Variants in RNLS observed in about 807,000 individuals in gnomAD.
RNLS encodes renalase, FAD dependent amine oxidase.
In RNLS, 39 loss-of-function variants were observed where a neutral mutation model predicts 39.8. The observed-to-expected ratio is 0.98, with a 90% CI of 0.76 to 1.28. The LOEUF is 1.28. Ranked by LOEUF, RNLS falls within the 50% of genes most tolerant of loss-of-function variation. The probability of loss-of-function intolerance (pLI) is 0.00; values close to 1 mark genes in which losing one functional copy is unlikely to be tolerated. For missense variants in RNLS, 410 were observed against 413.3 expected, an observed-to-expected ratio of 0.99 and a Z score of 0.07; for synonymous variants, 147 against 150.7, an observed-to-expected ratio of 0.98 and a Z score of 0.18.
At chr10:88,221,802 A>G in the RNLS span, among the ~76,000 whole-genome samples, 9 of 152,096 alleles carry the variant, frequency 5.9e-5, no homozygotes, top group Non-Finnish European at 1.5e-5. Flanking sequence ...AGACATCACT[A>G]ATCAATTGTG....
At chr10:88,435,824 A>G (rs1012344503) in intron 4 of RNLS, among the ~76,000 whole-genome samples, 2 of 152,178 alleles carry the variant, frequency 1.3e-5, no homozygotes, top group African/African-American at 4.8e-5. Context: ...TTATAATAAA[A>G]GCAATTTTAT....
At chr10:88,232,287 T>A in the RNLS span, among the ~76,000 whole-genome samples, 3,397 of 152,242 alleles carry the variant, frequency 0.022, 121 homozygotes, top group African/African-American at 0.076. Flanking sequence ...AAAGAAGGTC[T>A]GAGGGAAGGG....
At chr10:88,463,176 A>C (rs1487381196) in intron 4 of RNLS, among the ~76,000 whole-genome samples, 1 of 152,038 alleles carries the variant, frequency 6.6e-6, no homozygotes, top group Non-Finnish European at 1.5e-5. Context: ...ATTTGGAAAT[A>C]GGATCATTGC....
intron 4 of RNLS, among the ~76,000 whole-genome samples, chr10:88,569,521 T>C (rs1049362941): frequency 1.3e-5 from 2 of 152,128 alleles, no homozygotes; most frequent in African/African-American, 4.8e-5. Flanking sequence ...ACCTGGTAAA[T>C]AGAAATTCAT....
chr10:88,515,047 T>A (rs1470173098), intron 4 of RNLS, among the ~76,000 whole-genome samples: 1 of 149,756 alleles, frequency 6.7e-6, no homozygotes. Context: ...CGTGCTTTTT[T>A]AAATAATGGC....
intron 5 of RNLS, among the ~76,000 whole-genome samples, chr10:88,334,287 CAGTT>C (rs879384188): frequency 6.6e-6 from 1 of 152,102 alleles, no homozygotes; most frequent in Non-Finnish European, 1.5e-5. Context: ...TTTTAGTTTT[CAGTT>C]AGTTATGTAT....
At chr10:88,441,054 T>C (rs1279511502) in intron 4 of RNLS, among the ~76,000 whole-genome samples, 2 of 152,260 alleles carry the variant, frequency 1.3e-5, no homozygotes, top group African/African-American at 4.8e-5. Context: ...CAGTTTCCTT[T>C]TTTAAAAACT....
At chr10:88,527,682 A>T (rs1368662421) in intron 4 of RNLS, among the ~76,000 whole-genome samples, 1 of 152,150 alleles carries the variant, frequency 6.6e-6, no homozygotes, top group Non-Finnish European at 1.5e-5. Context: ...CCCCCCACAT[A>T]TACACAAATA....
intron 4 of RNLS, among the ~76,000 whole-genome samples, chr10:88,558,397 T>C (rs1182775034): frequency 1.3e-5 from 2 of 152,196 alleles, no homozygotes; most frequent in Non-Finnish European, 2.9e-5. Flanking sequence ...ACATAAGTAT[T>C]CACAAAATTG....
intron 5 of RNLS, among the ~76,000 whole-genome samples, chr10:88,315,633 T>C (rs113732658): frequency 1.2e-3 from 188 of 152,186 alleles, no homozygotes; most frequent in African/African-American, 4.0e-3. Flanking sequence ...TAAATGGTAA[T>C]ACAATGATCT....
At chr10:88,439,901 C>T (rs566020563) in intron 4 of RNLS, among the ~76,000 whole-genome samples, 1 of 152,300 alleles carries the variant, frequency 6.6e-6, no homozygotes, top group African/African-American at 2.4e-5. Flanking sequence ...GATGTCATTT[C>T]CTGTCTGAAA....
the RNLS span, among the ~76,000 whole-genome samples, chr10:88,249,030 G>T: frequency 6.6e-6 from 1 of 152,154 alleles, no homozygotes; most frequent in Non-Finnish European, 1.5e-5. Context: ...TCCATTTCCT[G>T]CCTTCCCTTC....
intron 4 of RNLS, among the ~76,000 whole-genome samples, chr10:88,438,463 A>T (rs1027734331): frequency 3.9e-5 from 6 of 152,140 alleles, no homozygotes; most frequent in African/African-American, 1.4e-4. Context: ...TTACCTACAG[A>T]TCATTTGTCA....
the RNLS span, among the ~76,000 whole-genome samples, chr10:88,183,155 G>A: frequency 9.9e-5 from 15 of 152,080 alleles, no homozygotes; most frequent in African/African-American, 3.6e-4. Flanking sequence ...CAGATGCAGG[G>A]GACCAAATCC....
chr10:88,257,322 A>T, the RNLS span, among the ~76,000 whole-genome samples: 27 of 152,338 alleles, frequency 1.8e-4, no homozygotes, highest in Non-Finnish European at 3.4e-4. Context: ...TTACCATGTC[A>T]GGAGAATGGT....
chr10:88,480,272 GAATTTGAGAGGTTCTTCA>G (rs528312949), intron 4 of RNLS, among the ~76,000 whole-genome samples: 27 of 152,338 alleles, frequency 1.8e-4, no homozygotes, highest in African/African-American at 6.0e-4. Flanking sequence ...GCTTTAGGCT[GAATTTGAGAGGTTCTTCA>G]AAGTTGAAAA....
chr10:88,573,982 A>T (rs1353707460), intron 3 of RNLS, among the ~76,000 whole-genome samples: 2 of 152,142 alleles, frequency 1.3e-5, no homozygotes, highest in Admixed American at 1.3e-4. Flanking sequence ...CTCTACTAAA[A>T]ATACAAAAAC....
At chr10:88,314,324 G>T in intron 6 of RNLS, 142 bp downstream of exon 6, 1 of 788,414 alleles carries the variant, frequency 1.3e-6, no homozygotes, top group Non-Finnish European at 2.0e-6. Flanking sequence ...TTATATTTAT[G>T]TGTTGGGCAA....
At chr10:88,309,016 C>A (rs111515100) in intron 6 of RNLS, among the ~76,000 whole-genome samples, 1 of 152,056 alleles carries the variant, frequency 6.6e-6, no homozygotes, top group East Asian at 1.9e-4. Context: ...CAAACTAATG[C>A]GGGAACAGAA....
Sources: gnomAD v4.1 joint callset for allele counts (sites outside exome capture counted in the v4.1 genomes callset) on GRCh38, gnomAD v4.1.1 for gene constraint, MANE v1.5 for transcripts, NCBI Gene and HGNC (gene_info 2026-07-23, HGNC 2026-07-21) for gene names.